Variants in RBL2 observed in about 807,000 individuals in gnomAD.
RBL2 encodes the protein retinoblastoma-like protein 2.
RBL2 carries 56 observed loss-of-function variants against 126.0 expected under a neutral mutation model. The observed-to-expected ratio is 0.44, with a 90% CI of 0.36 to 0.56. The LOEUF (loss-of-function observed/expected upper bound fraction) is 0.56, where lower values mean the gene tolerates loss of function less well. Among genes scored for constraint, RBL2 ranks in the 20% least tolerant of loss-of-function variants. RBL2 has a pLI of 0.00. For missense variants in RBL2, 1,229 were observed against 1,398.2 expected, an observed-to-expected ratio of 0.88 and a Z score of 1.93; for synonymous variants, 454 against 478.5, an observed-to-expected ratio of 0.95 and a Z score of 0.67.
chr16:53,469,414 GA>G (rs2058300196), intron 14 of RBL2, among the ~76,000 whole-genome samples: 2 of 137,468 alleles, frequency 1.5e-5, no homozygotes, highest in African/African-American at 7.1e-5. Context: ...TGTGGAAAAA[GA>G]CAGAGATCAA....
rs763275389 is a variant in RBL2 at position 53,462,523 on chromosome 16, TG to T, written c.1457-25del. The T allele has an allele frequency of 1.4e-4, 191 of 1,357,176 alleles. No individual in the cohort carries two copies. In the East Asian group the frequency reaches 2.9e-3, roughly 21 times the overall value. The allele number at this position is 1,357,176 out of a possible 1,614,324, so 84.1% of individuals were successfully genotyped here. On this transcript the variant is annotated intron_variant, in intron 10 of 21. Coordinates refer to ENST00000262133, the MANE Select transcript of RBL2 (RefSeq NM_005611.4). ...TTATTTTCTTTGTGTGCCATTTTTG[TG>T]GGGTTTTTTTTTTTATTATTTCTAC...
At chr16:53,477,920 G>A (rs1275229353) in intron 17 of RBL2, among the ~76,000 whole-genome samples, 2 of 152,052 alleles carry the variant, frequency 1.3e-5, no homozygotes, top group African/African-American at 4.8e-5. Flanking sequence ...GTGTAGTGTT[G>A]TCCAGGGGCA....
intron 18 of RBL2, chr16:53,479,537 C>T: frequency 1.0e-5 from 5 of 481,162 alleles, no homozygotes; most frequent in Non-Finnish European, 1.1e-5. Context: ...TAGGTTTAAC[C>T]AACAGAATGT....
intron 21 of RBL2, among the ~76,000 whole-genome samples, chr16:53,483,383 C>A (rs949036230): frequency 6.6e-6 from 1 of 152,034 alleles, no homozygotes; most frequent in African/African-American, 2.4e-5. Context: ...CAACATAAGA[C>A]CCCATCCCTA....
intron 21 of RBL2, chr16:53,488,382 G>C (rs571929694): frequency 6.6e-6 from 1 of 152,242 alleles, no homozygotes; most frequent in Non-Finnish European, 1.5e-5. Context: ...GTTTGGGATA[G>C]GCTGACAAGG....
Position 53,434,598 on chromosome 16 carries a change from C to G in RBL2, c.42C>G (p.Pro14=), listed in dbSNP as rs759214366. Residue 14 remains proline, a synonymous_variant, in exon 1 of 22, where the codon CCC becomes CCG. Coordinates refer to ENST00000262133, the MANE Select transcript of RBL2 (RefSeq NM_005611.4). ...GGDQSPPPPP[P]PPAAAASDEE... is the part of the protein sequence containing the mutation. ...ACCAGTCGCCACCGCCCCCGCCTCC[C>G]CCTCCGGCGGCGGCAGCCTCGGATG... 14 of 1,549,700 alleles carry G rather than the reference C, an allele frequency of 9.0e-6. No individual in the cohort carries two copies. The East Asian group carries it at 3.1e-4, about 35-fold the overall frequency.
intron 8 of RBL2, among the ~76,000 whole-genome samples, chr16:53,457,039 C>T (rs559475751): frequency 2.0e-5 from 3 of 152,096 alleles, no homozygotes; most frequent in Non-Finnish European, 4.4e-5. Flanking sequence ...ATTCGGGGAA[C>T]ATTTACTACT....
chr16:53,464,506 G>C (rs989700408), intron 12 of RBL2, 143 bp downstream of exon 12: 2 of 690,034 alleles, frequency 2.9e-6, no homozygotes, highest in Non-Finnish European at 4.4e-6. Context: ...GAGTAGAAAA[G>C]AAATAGAATC....
chr16:53,461,534 A>C (rs969519304), intron 9 of RBL2, among the ~76,000 whole-genome samples: 2 of 147,740 alleles, frequency 1.4e-5, no homozygotes, highest in Admixed American at 6.7e-5. Flanking sequence ...TAGCTCCCAC[A>C]AGAAAAGTTT....
At chr16:53,463,567 T>TTTG (rs2058244273) in intron 11 of RBL2, among the ~76,000 whole-genome samples, 1 of 142,820 alleles carries the variant, frequency 7.0e-6, no homozygotes, top group Admixed American at 6.9e-5. Flanking sequence ...TTTCCTTTTT[T>TTTG]TTTTTTTTTT....
At chr16:53,470,316 G>T in intron 15 of RBL2, 67 bp from the exon 16 acceptor site, 4 of 1,571,928 alleles carry the variant, frequency 2.5e-6, no homozygotes, top group Non-Finnish European at 3.5e-6. Context: ...AGCAGAAATT[G>T]TAAACCTCTG....
In RBL2 at chr16:53,470,437, G is replaced by C. The variant is rs777659313; in HGVS notation, c.2300G>C (p.Gly767Ala). Residue 767 changes from glycine to alanine, a missense_variant, in exon 16 of 22, where the codon GGG becomes GCG. This residue lies in a region of RBL2 where 1,070 missense variants were observed against 1,274.3 expected (regional missense o/e 0.84). Transcript: ENST00000262133. Reference sequence around the variant, plus strand: ...TTCTTCCCTGTCCAAGTCAATGTTGGGGGGCAGGCACAAGCTGTGACAGGC... The same window carrying C: ...TTCTTCCCTGTCCAAGTCAATGTTGCGGGGCAGGCACAAGCTGTGACAGGC... Reference protein sequence around the residue: ...ITFFPVQVNVGGQAQAVTGSI... With the variant: ...ITFFPVQVNVAGQAQAVTGSI... The C allele has an allele frequency of 1.5e-5, 25 of 1,613,952 alleles. No homozygotes were observed. The Admixed American group carries it at 1.8e-4, about 12-fold the overall frequency.
chr16:53,465,747 C>A, intron 13 of RBL2, 145 bp downstream of exon 13: 1 of 569,816 alleles, frequency 1.8e-6, no homozygotes, highest in Non-Finnish European at 2.7e-6. Context: ...CTGTAACGTC[C>A]CTCTCTACCC....
chr16:53,485,834 T>A (rs1961145171), intron 21 of RBL2, among the ~76,000 whole-genome samples: 1 of 151,014 alleles, frequency 6.6e-6, no homozygotes, highest in Non-Finnish European at 1.5e-5. Context: ...CCAGCCTGAG[T>A]GACAGAATGA....
intron 8 of RBL2, among the ~76,000 whole-genome samples, chr16:53,456,242 G>A (rs143902537): frequency 3.3e-5 from 5 of 152,214 alleles, no homozygotes; most frequent in East Asian, 3.9e-4. Context: ...CAGACAGACC[G>A]TGTAGGCTTT....
At chr16:53,453,916 T>C (rs1401205672) in intron 7 of RBL2, 147 bp downstream of exon 7, 6 of 670,208 alleles carry the variant, frequency 9.0e-6, no homozygotes, top group Admixed American at 3.3e-5. Context: ...GTCACCTAAA[T>C]ATAAGCACAC....
At chr16:53,474,141 T>TG (rs1412351834) in intron 17 of RBL2, among the ~76,000 whole-genome samples, 3 of 151,984 alleles carry the variant, frequency 2.0e-5, no homozygotes, top group Admixed American at 6.6e-5. Context: ...TACAGGTACA[T>TG]GCTGCCATGC....
intron 17 of RBL2, among the ~76,000 whole-genome samples, chr16:53,473,636 A>T (rs1476053288): frequency 6.6e-6 from 1 of 151,616 alleles, no homozygotes; most frequent in African/African-American, 2.4e-5. Context: ...GATGCCTTTT[A>T]TTTCTTTTTC....
chr16:53,459,563 C>G lies in RBL2; in HGVS notation c.1292C>G (p.Thr431Ser), dbSNP rs2058200232. The G allele has an allele frequency of 6.2e-7, 1 of 1,605,362 alleles. No individual in the cohort carries two copies. Among genetic ancestry groups the G allele is most frequent in the Non-Finnish European group, 8.5e-7 (1 of 1,177,400 alleles). ...ACGCATAGCTTGAGTCGTCTTCACACCATGCTGACAGGCCTCAGGAATGCA... is the reference window on the plus strand; with the variant it reads ...ACGCATAGCTTGAGTCGTCTTCACAGCATGCTGACAGGCCTCAGGAATGCA... ...TATHSLSRLH[T>S]MLTGLRNAPS... is the part of the protein sequence containing the mutation. The change falls in exon 9 of 22, where the codon ACC becomes AGC. Residue 431 changes from threonine (T) to serine (S), a missense_variant. This residue lies in a region of RBL2 where 1,070 missense variants were observed against 1,274.3 expected (regional missense o/e 0.84). Coordinates refer to ENST00000262133, the MANE Select transcript of RBL2 (RefSeq NM_005611.4).
Sources: allele counts gnomAD v4.1 joint callset (sites outside exome capture counted in the v4.1 genomes callset), GRCh38; gene constraint gnomAD v4.1.1; regional missense constraint gnomAD v4.1.1; transcripts MANE v1.5; gene names NCBI Gene and HGNC (gene_info 2026-07-23, HGNC 2026-07-21).